NUP188: variants seen among roughly 807,000 people sequenced by gnomAD.
NUP188 encodes the protein nucleoporin NUP188.
In NUP188, 97 loss-of-function variants were observed where a neutral mutation model predicts 223.0. The ratio of observed to expected loss-of-function variants is 0.43; its 90% CI spans 0.37 to 0.51. The LOEUF (loss-of-function observed/expected upper bound fraction) is 0.51, where lower values mean the gene tolerates loss of function less well. Among genes scored for constraint, NUP188 ranks in the 20% least tolerant of loss-of-function variants. The probability of loss-of-function intolerance (pLI) is 0.00; values close to 1 mark genes in which losing one functional copy is unlikely to be tolerated. For missense variants in NUP188, 1,947 were observed against 2,175.6 expected, an observed-to-expected ratio of 0.89 and a Z score of 2.09; for synonymous variants, 869 against 828.0, an observed-to-expected ratio of 1.05 and a Z score of -0.85.
intron 34 of NUP188, 119 bp from the exon 35 acceptor site, chr9:129,001,410 G>T: frequency 1.2e-6 from 1 of 810,640 alleles, no homozygotes; most frequent in Non-Finnish European, 2.1e-6. Context: ...TGTTACTCAA[G>T]CTCACTTAGC....
intron 20 of NUP188, 89 bp downstream of exon 20, chr9:128,985,103 G>T: frequency 1.1e-6 from 1 of 883,944 alleles, no homozygotes. Context: ...GGCCCCTGGT[G>T]CTGTAATCTT....
chr9:129,005,979 G>A (rs961775721), intron 41 of NUP188, 71 bp from the exon 42 acceptor site: 6 of 1,541,396 alleles, frequency 3.9e-6, no homozygotes, highest in Non-Finnish European at 5.4e-6. Flanking sequence ...TGCAGGACAT[G>A]CAAGTAGGAA....
At chr9:128,988,912 T>C (rs920081461) in intron 24 of NUP188, among the ~76,000 whole-genome samples, 2 of 151,618 alleles carry the variant, frequency 1.3e-5, no homozygotes, top group Non-Finnish European at 2.9e-5. Flanking sequence ...TGTTTTGTTT[T>C]ATTTTGTTGT....
intron 8 of NUP188, among the ~76,000 whole-genome samples, chr9:128,964,865 C>T (rs1382772271): frequency 6.6e-6 from 1 of 151,982 alleles, no homozygotes; most frequent in African/African-American, 2.4e-5. Context: ...TGCCACCACG[C>T]CTTCCTAATT....
At chr9:129,003,516 G>A (rs2131197373) in intron 38 of NUP188, 62 bp downstream of exon 38, 1 of 1,562,624 alleles carries the variant, frequency 6.4e-7, no homozygotes, top group Non-Finnish European at 8.7e-7. Flanking sequence ...GAGGCTGTGA[G>A]GTCTCACTGG....
At chr9:128,971,558 A>G (rs1187052212) in intron 11 of NUP188, among the ~76,000 whole-genome samples, 1 of 151,926 alleles carries the variant, frequency 6.6e-6, no homozygotes, top group Non-Finnish European at 1.5e-5. Flanking sequence ...AGCTGGGACT[A>G]CGGGTGCCTG....
intron 10 of NUP188, among the ~76,000 whole-genome samples, chr9:128,970,035 C>A (rs1381253334): frequency 6.6e-6 from 1 of 152,202 alleles, no homozygotes; most frequent in Non-Finnish European, 1.5e-5. Flanking sequence ...TCAAGAGATT[C>A]TTGTGCCTCA....
chr9:128,994,787 CCT>C, intron 28 of NUP188, 67 bp from the exon 29 acceptor site: 2 of 1,292,004 alleles, frequency 1.5e-6, no homozygotes, highest in East Asian at 2.3e-5. Context: ...TGCTCTGTTC[CCT>C]GTTTGATATA....
chr9:128,994,726 A>G (rs974165016), intron 28 of NUP188, 130 bp from the exon 29 acceptor site: 4 of 792,464 alleles, frequency 5.0e-6, no homozygotes, highest in Admixed American at 2.0e-5. Flanking sequence ...AAGTCAGGAC[A>G]TTCACATTCA....
At chr9:128,955,043 G>T (rs1841849802) in intron 3 of NUP188, among the ~76,000 whole-genome samples, 2 of 151,698 alleles carry the variant, frequency 1.3e-5, no homozygotes, top group Non-Finnish European at 2.9e-5. Context: ...TAGAGACAGG[G>T]TTTCACCATA....
In NUP188 at chr9:129,003,313, C is replaced by T. The variant is rs1487457008; in HGVS notation, c.4297-4C>T. The stretch of plus-strand genomic sequence containing the variant: ...TCTTTCCCTGATGTGTGCTTTCCTC[C>T]CAGTGCCTCAACGCAGTGAGGACAG... On this transcript the variant is annotated splice_polypyrimidine_tract_variant and splice_region_variant and intron_variant, in intron 37 of 43. Transcript: ENST00000372577. 2 of 1,600,350 alleles carry T rather than the reference C, an allele frequency of 1.2e-6. No individual in the cohort carries two copies. The highest frequency in any genetic ancestry group is 3.6e-5 in the Admixed American group (2 of 55,846).
intron 12 of NUP188, among the ~76,000 whole-genome samples, chr9:128,975,423 C>T (rs907412613): frequency 4.6e-5 from 7 of 151,564 alleles, no homozygotes; most frequent in Admixed American, 6.6e-5. Flanking sequence ...GGGGTTTCAC[C>T]GTGTTAGCCA....
chr9:128,947,757 G>A lies in NUP188; in HGVS notation c.32+6G>A. On this transcript the variant is annotated splice_donor_region_variant and intron_variant, in intron 1 of 43. Transcript: ENST00000372577. ...GCCGGCGGGCCGTGTGTGAGGTGCG[G>A]AGCGGGTCGAATGGACCGGGGTGGC... 6.9e-7 allele frequency: 1 copy of A among 1,459,594 alleles called. No homozygotes were observed. The highest frequency in any genetic ancestry group is 1.3e-5 in the South Asian group (1 of 74,322). 90.4% of individuals were successfully genotyped at this position (1,459,594 alleles called of 1,614,324 possible).
At position 128,979,345 on chromosome 9, in the gene NUP188, A is replaced by C. The variant is rs1048605962; in HGVS notation, c.1269+18A>C. 2 of 1,582,986 alleles carry C rather than the reference A, an allele frequency of 1.3e-6. No homozygotes were observed. The highest frequency in any genetic ancestry group is 2.7e-5 in the African/African-American group (2 of 74,172). Reference sequence around the variant, plus strand: ...GGGGAACAGTAAGTATGTCAGAGAGAGTCACTGCATAGCAAAAGAATTGTT... The same window carrying C: ...GGGGAACAGTAAGTATGTCAGAGAGCGTCACTGCATAGCAAAAGAATTGTT... On this transcript the variant is annotated intron_variant, in intron 13 of 43. Coordinates refer to ENST00000372577, the MANE Select transcript of NUP188 (RefSeq NM_015354.3).
chr9:128,964,571 A>G (rs904277231), intron 8 of NUP188, among the ~76,000 whole-genome samples: 7 of 141,654 alleles, frequency 4.9e-5, no homozygotes, highest in Non-Finnish European at 7.6e-5. Flanking sequence ...TGGTTTTGCC[A>G]TGTTGCCCAG....
intron 19 of NUP188, 53 bp downstream of exon 19, chr9:128,983,603 G>A (rs996464603): frequency 5.1e-6 from 6 of 1,176,330 alleles, no homozygotes; most frequent in Non-Finnish European, 7.6e-6. Flanking sequence ...AACCACATAT[G>A]TCTCAGATCT....
At chr9:128,952,477 C>T (rs1422871331) in intron 2 of NUP188, among the ~76,000 whole-genome samples, 4 of 151,746 alleles carry the variant, frequency 2.6e-5, no homozygotes, top group African/African-American at 9.7e-5. Flanking sequence ...AATCCCAGCA[C>T]TTTGGGAGGC....
rs752509548 is a variant in NUP188, at chr9:128,995,505, C to T, written c.3342C>T (p.Ala1114=). ...CCTGGAGGATGCTTCTCATCATTGCCACCACTCATGTAAGACCCTTTTGGG... is the reference window on the plus strand; with the variant it reads ...CCTGGAGGATGCTTCTCATCATTGCTACCACTCATGTAAGACCCTTTTGGG... ...VSAWRMLLII[A]TTHADIMHLT... Residue 1114 remains alanine, a synonymous_variant, in exon 30 of 44, where the codon GCC becomes GCT. Transcript: ENST00000372577. 44 of 1,594,094 alleles carry T rather than the reference C, an allele frequency of 2.8e-5. No individual in the cohort carries two copies. Among genetic ancestry groups the T allele is most frequent in the Non-Finnish European group, 3.3e-5 (39 of 1,170,884 alleles).
intron 12 of NUP188, 95 bp downstream of exon 12, chr9:128,973,344 C>A: frequency 1.3e-6 from 1 of 789,412 alleles, no homozygotes; most frequent in Non-Finnish European, 2.1e-6. Context: ...TTATTTACCT[C>A]ATGTGTTAAT....
Sources: allele counts gnomAD v4.1 joint callset (sites outside exome capture counted in the v4.1 genomes callset), GRCh38; gene constraint gnomAD v4.1.1; transcripts MANE v1.5; gene names NCBI Gene and HGNC (gene_info 2026-07-23, HGNC 2026-07-21).